The following SARDH variants were observed in gnomAD, a reference collection of about 807,000 sequenced individuals.
SARDH encodes the protein sarcosine dehydrogenase.
Under a neutral mutation model 109.1 loss-of-function variants are expected in SARDH, and 95 were observed. The ratio of observed to expected loss-of-function variants is 0.87; its 90% CI spans 0.74 to 1.03. The LOEUF (loss-of-function observed/expected upper bound fraction) is 1.03. SARDH is among the 50% of genes least tolerant of loss of function. The pLI is 0.00. For missense variants in SARDH, 1,267 were observed against 1,287.8 expected (o/e 0.98, Z 0.25); for synonymous variants, 572 against 534.8 (o/e 1.07, Z -0.96).
rs1208306763 is a variant in SARDH at position 133,729,966 on chromosome 9, G to A, written c.814+98C>T. Reference sequence around the variant, plus strand: ...TCTGCAGACCTGTCTGCCCTAGCAGGGGCTCCCCACCCCAGAAAGAAGCCC... The same window carrying A: ...TCTGCAGACCTGTCTGCCCTAGCAGAGGCTCCCCACCCCAGAAAGAAGCCC... On this transcript the variant is annotated intron_variant, in intron 5 of 20. Transcript: ENST00000439388. 2.5e-6 allele frequency: 4 copies of A among 1,589,792 alleles called. No individual in the cohort carries two copies. The African/African-American group carries it at 5.4e-5, about 21-fold the overall frequency.
At chr9:133,708,603 T>G (rs1367507195) in intron 10 of SARDH, among the ~76,000 whole-genome samples, 175 bp from the exon 11 acceptor site, 3 of 152,020 alleles carry the variant, frequency 2.0e-5, no homozygotes, top group African/African-American at 4.8e-5. Flanking sequence ...GAACTCAGCT[T>G]TCTCCCCCAG....
At chr9:133,670,839 C>G in intron 18 of SARDH, 87 bp from the exon 19 acceptor site, 1 of 1,422,676 alleles carries the variant, frequency 7.0e-7, no homozygotes, top group Non-Finnish European at 9.2e-7. Flanking sequence ...CTAAACCCAC[C>G]CCCTCCAGCC....
chr9:133,666,328 A>G lies in SARDH; in HGVS notation c.2631+407T>C, dbSNP rs1037885068. On this transcript the variant is annotated intron_variant, in intron 20 of 20. Coordinates refer to ENST00000439388, the MANE Select transcript of SARDH (RefSeq NM_001134707.2). The surrounding 1 kb of genome is among the most constrained non-coding windows in gnomAD (Gnocchi z 5.2). ...TGGGTCTCTGGTGTGAGGAGCTGGA[A>G]GGTATCAGCCTGGCTGGCTGGCACC... Among the ~76,000 whole-genome samples the G allele has an allele frequency of 1.3e-5, 2 of 152,148 alleles. No homozygotes were observed. The highest frequency in any genetic ancestry group is 4.8e-5 in the African/African-American group (2 of 41,440).
At chr9:133,706,225 G>A (rs1367883858) in intron 11 of SARDH, among the ~76,000 whole-genome samples, 1 of 148,860 alleles carries the variant, frequency 6.7e-6, no homozygotes, top group Non-Finnish European at 1.5e-5. Flanking sequence ...CTCAGCTGAT[G>A]AGTGGATCAA....
At chr9:133,717,499 G>A (rs1424378571) in intron 7 of SARDH, 44 bp from the exon 8 acceptor site, 1 of 1,609,780 alleles carries the variant, frequency 6.2e-7, no homozygotes, top group Non-Finnish European at 8.5e-7. Context: ...TCCCCAAGAA[G>A]GCCATGCATC....
chr9:133,734,549 G>A (rs1458992836), intron 1 of SARDH, among the ~76,000 whole-genome samples: 1 of 152,218 alleles, frequency 6.6e-6, no homozygotes, highest in Non-Finnish European at 1.5e-5. Flanking sequence ...ACCTTGGTGA[G>A]GATAGGTCTC....
rs901064263 is a variant in SARDH, at chr9:133,718,529, G to C, written c.1020+409C>G. Reference sequence around the variant, plus strand: ...TGTGGACTAAATGCATATACACATAGAACAGGGCTGCAGGGCTGCCCTAAC... The same window carrying C: ...TGTGGACTAAATGCATATACACATACAACAGGGCTGCAGGGCTGCCCTAAC... On this transcript the variant is annotated intron_variant, in intron 7 of 20. Transcript: ENST00000439388. The surrounding 1 kb of genome is among the most constrained non-coding windows in gnomAD (Gnocchi z 4.2). 31 of 667,822 alleles carry C rather than the reference G, an allele frequency of 4.6e-5. No individual in the cohort carries two copies. Among genetic ancestry groups the C allele is most frequent in the Non-Finnish European group, 7.6e-5 (28 of 368,242 alleles). The allele number at this position is 667,822 out of a possible 1,614,324, so 41.4% of individuals were successfully genotyped here. A position where few individuals can be genotyped will look rare whatever the true frequency, so the allele number is the denominator to read the frequency against.
At position 133,708,422 on chromosome 9, in the gene SARDH, G is replaced by A. The variant is rs767784422; in HGVS notation, c.1335C>T (p.Phe445=). 1.9e-6 allele frequency: 3 copies of A among 1,609,690 alleles called. No homozygotes were observed. In the East Asian group the frequency reaches 6.7e-5, roughly 36 times the overall value. ...GGGGGTGGTCCGTGAGCGAGTGATG[G>A]AAGCGCCTGCCGCAGACAGGGGGAC... ...KDMHGYDIRR[F]HHSLTDHPRW... Residue 445 remains phenylalanine, a synonymous_variant, in exon 11 of 21, where the codon TTC becomes TTT. Transcript: ENST00000439388.
intron 19 of SARDH, among the ~76,000 whole-genome samples, chr9:133,668,044 G>A (rs953357694): frequency 3.9e-5 from 6 of 151,984 alleles, no homozygotes; most frequent in East Asian, 1.9e-4. Flanking sequence ...CACAGGGGCC[G>A]TCCGAGGCCC....
Position 133,730,082 on chromosome 9 carries a change from A to G in SARDH, c.796T>C (p.Cys266Arg). ...CTCGCACCTGCACAGTTGACCACGC[A>G]GGGTGTCTGGATGGAACCATGCTGA... ...ETQHGSIQTP[C>R]VVNCAGVWAS... is the part of the protein sequence containing the mutation. The change falls in exon 5 of 21, where the codon TGC becomes CGC. Residue 266 changes from cysteine to arginine, a missense_variant. Cys to Arg is a radical substitution (Grantham distance 180). Transcript: ENST00000439388. 1 of 1,614,222 alleles carries G rather than the reference A, an allele frequency of 6.2e-7. No homozygotes were observed. The highest frequency in any genetic ancestry group is 1.1e-5 in the South Asian group (1 of 91,092).
chr9:133,730,243 C>A, intron 4 of SARDH, 56 bp from the exon 5 acceptor site: 1 of 1,594,366 alleles, frequency 6.3e-7, no homozygotes, highest in Non-Finnish European at 8.5e-7. Context: ...GGGGTGCTTC[C>A]CACCCCACTC....
At chr9:133,683,245 G>A (rs1830761763) in intron 17 of SARDH, among the ~76,000 whole-genome samples, 1 of 152,158 alleles carries the variant, frequency 6.6e-6, no homozygotes, top group Non-Finnish European at 1.5e-5. Context: ...GGAGCCGCCT[G>A]TCTGAGAACA....
At chr9:133,713,555 C>T (rs867564130) in intron 8 of SARDH, among the ~76,000 whole-genome samples, 2 of 152,258 alleles carry the variant, frequency 1.3e-5, no homozygotes, top group East Asian at 1.9e-4. Context: ...CACTTCCCCC[C>T]GCCCAGCACA....
chr9:133,660,981 T>A (rs1832404804), downstream of SARDH, among the ~76,000 whole-genome samples: 1 of 152,158 alleles, frequency 6.6e-6, no homozygotes, highest in Admixed American at 6.5e-5. Flanking sequence ...GATGCGAGGA[T>A]CACTTGAGCC....
At chr9:133,708,929 C>A (rs77425573) in intron 10 of SARDH, among the ~76,000 whole-genome samples, 1 of 152,144 alleles carries the variant, frequency 6.6e-6, no homozygotes, top group Non-Finnish European at 1.5e-5. Context: ...TTTCCACCCG[C>A]CAGCAGGGGA....
intron 11 of SARDH, among the ~76,000 whole-genome samples, chr9:133,705,250 C>G (rs973198810): frequency 1.3e-5 from 2 of 151,358 alleles, no homozygotes; most frequent in African/African-American, 4.9e-5. Flanking sequence ...TGCCCTCACC[C>G]TGAGAACCCC....
intron 11 of SARDH, among the ~76,000 whole-genome samples, chr9:133,706,591 A>G (rs979472727): frequency 8.5e-5 from 13 of 152,272 alleles, no homozygotes; most frequent in African/African-American, 2.9e-4. Flanking sequence ...TAGAGCAGTT[A>G]AAATAGCTCA....
chr9:133,695,149 C>T lies in SARDH; in HGVS notation c.1808-778G>A, dbSNP rs547459474. ...TCATGAGTGTGGGCCCTCATCTAAT[C>T]TGACTGCTGTCCTTCTAACACGGTG... On this transcript the variant is annotated intron_variant, in intron 14 of 20. Coordinates refer to ENST00000439388, the MANE Select transcript of SARDH (RefSeq NM_001134707.2). Among the ~76,000 whole-genome samples the T allele has an allele frequency of 7.2e-5, 11 of 152,330 alleles. No individual in the cohort carries two copies. In the South Asian group the frequency reaches 1.9e-3, roughly 26 times the overall value.
At position 133,709,729 on chromosome 9, in the gene SARDH, G is replaced by A. The variant is rs887631363; in HGVS notation, c.1329-1301C>T. On this transcript the variant is annotated intron_variant, in intron 10 of 20. Coordinates refer to ENST00000439388, the MANE Select transcript of SARDH (RefSeq NM_001134707.2). The surrounding 1 kb of genome is among the most constrained non-coding windows in gnomAD (Gnocchi z 4.2). ...TGCAGGCTCAGAGCTGAGTGCTGCT[G>A]TGGGAGGAAATCCCTCTCTCTTTGT... Among the ~76,000 whole-genome samples, 2 of 152,198 alleles carry A rather than the reference G, an allele frequency of 1.3e-5. No homozygotes were observed. Among genetic ancestry groups the A allele is most frequent in the Non-Finnish European group, 2.9e-5 (2 of 68,044 alleles).
Sources: gnomAD v4.1 joint callset for allele counts (sites outside exome capture counted in the v4.1 genomes callset) on GRCh38, gnomAD v4.1.1 for gene constraint, Gnocchi (gnomAD v3.1) non-coding constraint, MANE v1.5 for transcripts, NCBI Gene and HGNC (gene_info 2026-07-23, HGNC 2026-07-21) for gene names.